The following ZBTB20 variants were observed in gnomAD, a reference collection of about 807,000 sequenced individuals.
ZBTB20 encodes the protein zinc finger and BTB domain-containing protein 20.
In ZBTB20, 9 loss-of-function variants were observed where a neutral mutation model predicts 56.9. That is an observed-to-expected ratio of 0.16 (90% confidence interval 0.10 to 0.28). ZBTB20 has a LOEUF of 0.28. Among genes scored for constraint, ZBTB20 ranks in the 10% least tolerant of loss-of-function variants. The pLI, the probability that ZBTB20 is intolerant of heterozygous loss-of-function variation, is 1.00. For synonymous variants in ZBTB20, 417 were observed against 420.7 expected (o/e 0.99, Z 0.11); for missense variants, 655 against 1,003.0 (o/e 0.65, Z 4.69).
chr3:115,034,388 A>T (rs2080829398), intron 2 of ZBTB20, among the ~76,000 whole-genome samples: 1 of 146,340 alleles, frequency 6.8e-6, no homozygotes, highest in African/African-American at 2.7e-5. Context: ...AAATACAACA[A>T]AGCAGCAGGA....
At chr3:114,541,593 C>T (rs1184414641) in intron 6 of ZBTB20, among the ~76,000 whole-genome samples, 2 of 152,134 alleles carry the variant, frequency 1.3e-5, no homozygotes, top group South Asian at 2.1e-4. Flanking sequence ...ACACACTAGC[C>T]ATCCCCTAGA....
intron 5 of ZBTB20, among the ~76,000 whole-genome samples, chr3:114,724,126 G>T (rs2065108872): frequency 6.6e-6 from 1 of 151,932 alleles, no homozygotes; most frequent in South Asian, 2.1e-4. Context: ...GCCCACCTCG[G>T]CCTCCCAAAG....
At position 115,118,703 on chromosome 3, in the gene ZBTB20, A is replaced by ATTTTTTTTTTTT. The variant is rs35607205; in HGVS notation, c.-703+28504_-703+28515dup. Among the ~76,000 whole-genome samples, 76 of 82,212 alleles carry ATTTTTTTTTTTT rather than the reference A, an allele frequency of 9.2e-4. 1 individual carries two copies. The highest frequency in any genetic ancestry group is 0.01 in the Middle Eastern group (1 of 96). The allele number at this position is 82,212 out of a possible 152,430, so 53.9% of individuals were successfully genotyped here. On this transcript the variant is annotated intron_variant, in intron 1 of 11. Transcript: ENST00000675478. ...GGACCTAAAACTTTACCTGGTACAA[A>ATTTTTTTTTTTT]TTTTTTTTTTTTTTTTTTTTTTTTT...
chr3:114,417,681 C>A (rs1007385114), intron 7 of ZBTB20, among the ~76,000 whole-genome samples: 1 of 151,862 alleles, frequency 6.6e-6, no homozygotes, highest in African/African-American at 2.4e-5. Context: ...ATCAGGACAG[C>A]CTTATGGAAA....
chr3:114,471,606 G>A (rs2040136790), intron 7 of ZBTB20, among the ~76,000 whole-genome samples: 1 of 152,144 alleles, frequency 6.6e-6, no homozygotes, highest in African/African-American at 2.4e-5. Flanking sequence ...CAGGGAGGTG[G>A]AGCGACTGAG....
chr3:114,812,705 A>G (rs149041659), intron 4 of ZBTB20, among the ~76,000 whole-genome samples: 8,196 of 152,266 alleles, frequency 0.054, 562 homozygotes, highest in African/African-American at 0.16. Context: ...CGCACTCCTC[A>G]GCCCTTGGGT....
At chr3:114,663,422 C>T (rs879910979) in intron 6 of ZBTB20, among the ~76,000 whole-genome samples, 13 of 147,040 alleles carry the variant, frequency 8.8e-5, no homozygotes, top group Non-Finnish European at 1.4e-4. Context: ...CGGTACCAGC[C>T]GCTGCAAAAT....
intron 5 of ZBTB20, among the ~76,000 whole-genome samples, chr3:114,746,018 G>T (rs1299659098): frequency 6.6e-6 from 1 of 152,120 alleles, no homozygotes; most frequent in Admixed American, 6.6e-5. Flanking sequence ...TGGCGTAAAA[G>T]CATCTCCCTG....
intron 6 of ZBTB20, among the ~76,000 whole-genome samples, chr3:114,526,148 T>C (rs1473830340): frequency 6.6e-6 from 1 of 152,202 alleles, no homozygotes. Context: ...TTCTCCACTT[T>C]CTTATGTTCA....
At chr3:114,702,489 A>T (rs1388018768) in intron 5 of ZBTB20, among the ~76,000 whole-genome samples, 1 of 151,758 alleles carries the variant, frequency 6.6e-6, no homozygotes, top group East Asian at 1.9e-4. Context: ...TCTTTGTCAA[A>T]ATTTCTGGTA....
intron 6 of ZBTB20, among the ~76,000 whole-genome samples, chr3:114,559,386 G>A (rs2051696737): frequency 6.6e-6 from 1 of 152,120 alleles, no homozygotes; most frequent in African/African-American, 2.4e-5. Flanking sequence ...AGATCATATG[G>A]TAAATACGTA....
At chr3:115,108,064 T>C (rs1165056018) in intron 1 of ZBTB20, among the ~76,000 whole-genome samples, 3 of 151,994 alleles carry the variant, frequency 2.0e-5, no homozygotes, top group Non-Finnish European at 4.4e-5. Flanking sequence ...GATGACGGGT[T>C]GATAGATGCA....
chr3:114,680,166 AGGACAAATACCTAAT>A (rs1435021865), intron 6 of ZBTB20, among the ~76,000 whole-genome samples: 1 of 152,190 alleles, frequency 6.6e-6, no homozygotes, highest in Non-Finnish European at 1.5e-5. Flanking sequence ...GGATAGCATT[AGGACAAATACCTAAT>A]GTAGATGTTG....
chr3:114,620,928 A>G (rs1246866638), intron 6 of ZBTB20, among the ~76,000 whole-genome samples: 1 of 152,198 alleles, frequency 6.6e-6, no homozygotes, highest in African/African-American at 2.4e-5. Flanking sequence ...CTGATCTTGA[A>G]AAGTTATCAG....
chr3:114,543,781 G>A (rs190732828), intron 6 of ZBTB20, among the ~76,000 whole-genome samples: 10 of 152,234 alleles, frequency 6.6e-5, no homozygotes, highest in South Asian at 2.1e-4. Context: ...AATGAAGAAC[G>A]CATTGGCTAT....
rs533767893 is a variant in ZBTB20, at chr3:114,651,669, G to C, written c.-295+41859C>G. On this transcript the variant is annotated intron_variant, in intron 6 of 11. Coordinates refer to ENST00000675478, the MANE Select transcript of ZBTB20 (RefSeq NM_001348800.3). ...AACAAAACAAAAAGTAAATTTGAAGGACTCCTCTTTTCTCCCTCTTGCTCA... is the reference window on the plus strand; with the variant it reads ...AACAAAACAAAAAGTAAATTTGAAGCACTCCTCTTTTCTCCCTCTTGCTCA... 5.9e-5 allele frequency among the ~76,000 whole-genome samples: 9 copies of C among 151,852 alleles called. No homozygotes were observed. The South Asian group carries it at 1.9e-3, about 32-fold the overall frequency.
chr3:115,069,277 C>CT (rs1401122875), intron 2 of ZBTB20, among the ~76,000 whole-genome samples: 1 of 152,102 alleles, frequency 6.6e-6, no homozygotes, highest in Non-Finnish European at 1.5e-5. Context: ...AGCTAACAGT[C>CT]TTTTTTGTCA....
intron 2 of ZBTB20, among the ~76,000 whole-genome samples, chr3:114,986,760 C>G (rs1014402974): frequency 6.6e-6 from 1 of 151,862 alleles, no homozygotes; most frequent in Non-Finnish European, 1.5e-5. Context: ...GTTTTAACAC[C>G]AAAACAGCCA....
intron 3 of ZBTB20, among the ~76,000 whole-genome samples, chr3:114,904,765 G>A (rs1178185229): frequency 6.6e-6 from 1 of 151,806 alleles, no homozygotes; most frequent in Non-Finnish European, 1.5e-5. Flanking sequence ...CTGCCTATAA[G>A]AAAGAGGAAG....
Sources: allele counts gnomAD v4.1 joint callset (sites outside exome capture counted in the v4.1 genomes callset), GRCh38; gene constraint gnomAD v4.1.1; transcripts MANE v1.5; gene names NCBI Gene and HGNC (gene_info 2026-07-23, HGNC 2026-07-21).